Variants in COLEC11 observed in about 807,000 individuals in gnomAD.
COLEC11 encodes the protein collectin subfamily member 11.
COLEC11 carries 20 observed loss-of-function variants against 27.3 expected under a neutral mutation model. That is an observed-to-expected ratio of 0.73 (90% CI 0.51 to 1.06). COLEC11 has a LOEUF of 1.06. Ranked by LOEUF, COLEC11 falls within the 50% of genes least tolerant of loss-of-function variation. The pLI is 0.00. For synonymous variants in COLEC11, 163 were observed against 154.7 expected, an observed-to-expected ratio of 1.05 and a Z score of -0.40; for missense variants, 310 against 383.0, an observed-to-expected ratio of 0.81 and a Z score of 1.59.
intron 1 of COLEC11, chr2:3,603,631 G>C: frequency 1.3e-6 from 2 of 1,551,006 alleles, no homozygotes; most frequent in Non-Finnish European, 1.7e-6. Context: ...TTTCCAAGTT[G>C]TAACGCCCTT....
intron 1 of COLEC11, chr2:3,603,605 C>G: frequency 1.3e-6 from 2 of 1,550,472 alleles, no homozygotes; most frequent in South Asian, 1.2e-5. Context: ...GTGTGAGCCA[C>G]TGCGCCTGGT....
At chr2:3,624,455 C>T (rs1054206659) in intron 3 of COLEC11, among the ~76,000 whole-genome samples, 9 of 152,196 alleles carry the variant, frequency 5.9e-5, no homozygotes, top group Admixed American at 2.0e-4. Context: ...TGTCAGTCAC[C>T]TCAGTATTGG....
At chr2:3,633,000 G>A (rs1665125907) in intron 3 of COLEC11, among the ~76,000 whole-genome samples, 1 of 152,232 alleles carries the variant, frequency 6.6e-6, no homozygotes, top group Admixed American at 6.5e-5. Context: ...GGAAAAGATG[G>A]GGAGGGCGCG....
chr2:3,627,829 A>G (rs2147928363), intron 3 of COLEC11, among the ~76,000 whole-genome samples: 1 of 152,302 alleles, frequency 6.6e-6, no homozygotes, highest in South Asian at 2.1e-4. Context: ...GATGCTGGGC[A>G]TAACACTGGG....
Position 3,601,313 on chromosome 2 carries a change from T to A in COLEC11, c.-26-3002T>A, listed in dbSNP as rs529910125. Among the ~76,000 whole-genome samples the A allele has an allele frequency of 2.2e-4, 33 of 152,266 alleles. 1 individual carries two copies. The highest frequency in any genetic ancestry group is 8.5e-4 in the Admixed American group (13 of 15,302). On this transcript the variant is annotated intron_variant, in intron 1 of 6. Transcript: ENST00000349077. ...TGGATTTTTCTTTATTATTATTATT[T>A]TTTTTGAGACAGGGTCTCACTCTGA...
At chr2:3,607,025 C>T (rs914339097) in intron 2 of COLEC11, among the ~76,000 whole-genome samples, 1 of 152,240 alleles carries the variant, frequency 6.6e-6, no homozygotes, top group Admixed American at 6.5e-5. Flanking sequence ...CGCCGTTCGG[C>T]CCCGGACACG....
intron 2 of COLEC11, among the ~76,000 whole-genome samples, chr2:3,609,605 C>G (rs1483617940): frequency 6.6e-6 from 1 of 151,714 alleles, no homozygotes; most frequent in Admixed American, 6.6e-5. Context: ...TCTTGGCTCA[C>G]TGCAACCTCT....
chr2:3,626,986 C>T (rs1199907289), intron 3 of COLEC11, among the ~76,000 whole-genome samples: 3 of 152,180 alleles, frequency 2.0e-5, no homozygotes, highest in Non-Finnish European at 4.4e-5. Context: ...TGCCAACTCC[C>T]CTGGCCCACT....
chr2:3,603,136 G>A (rs920286084), intron 1 of COLEC11, among the ~76,000 whole-genome samples: 18 of 152,132 alleles, frequency 1.2e-4, no homozygotes, highest in Non-Finnish European at 2.5e-4. Flanking sequence ...ATGCTCTGCG[G>A]AGCCCCAGTC....
intron 6 of COLEC11, 40 bp downstream of exon 6, chr2:3,643,579 C>G (rs759779851): frequency 1.4e-5 from 23 of 1,601,862 alleles, no homozygotes; most frequent in Non-Finnish European, 2.0e-5. Flanking sequence ...CCTCCCACCT[C>G]CCAGCCCTGT....
In COLEC11 at chr2:3,613,369, C is replaced by T; in HGVS notation, c.189C>T (p.Pro63=). Residue 63 remains proline (P), a synonymous_variant, in exon 3 of 7, where the codon CCC becomes CCT. Coordinates refer to ENST00000349077, the MANE Select transcript of COLEC11 (RefSeq NM_024027.5). ...GAPGRPGRVG[P]TGEKGDMGDK... ...CCGGACGGCCTGGAAGAGTCGGCCC[C>T]ACGGGAGAAAAAGGTACCTGCAGCC... 1 of 1,601,954 alleles carries T rather than the reference C, an allele frequency of 6.2e-7. No homozygotes were observed.
intron 1 of COLEC11, chr2:3,603,394 G>A (rs565574226): frequency 1.2e-4 from 59 of 480,346 alleles, no homozygotes; most frequent in African/African-American, 9.6e-4. Context: ...TCAGGTCACT[G>A]CAACCTCCGC....
chr2:3,600,103 C>A lies in COLEC11; in HGVS notation c.-26-4212C>A, dbSNP rs189337700. 2.4e-3 allele frequency among the ~76,000 whole-genome samples: 364 copies of A among 151,940 alleles called. 2 individuals carry two copies. The highest frequency in any genetic ancestry group is 8.5e-3 in the African/African-American group (350 of 41,398). On this transcript the variant is annotated intron_variant, in intron 1 of 6. Coordinates refer to ENST00000349077, the MANE Select transcript of COLEC11 (RefSeq NM_024027.5). ...ACACAAAATTAGCCAGGCGTGGTGG[C>A]GGGCAGCTGTAGTCCCAGCTACTTG...
intron 3 of COLEC11, 102 bp from the exon 4 acceptor site, chr2:3,637,431 T>G: frequency 1.2e-6 from 1 of 822,926 alleles, no homozygotes; most frequent in Admixed American, 1.8e-5. Flanking sequence ...GTGCCTGTGA[T>G]GTAGGAAGGA....
In COLEC11 at chr2:3,643,741, C is replaced by T. The variant is rs1666061483; in HGVS notation, c.439C>T (p.Arg147Cys). 8 of 1,613,606 alleles carry T rather than the reference C, an allele frequency of 5.0e-6. No homozygotes were observed. Among genetic ancestry groups the T allele is most frequent in the Non-Finnish European group, 6.8e-6 (8 of 1,179,942 alleles). Residue 147 changes from arginine to cysteine, a missense_variant, in exon 7 of 7, where the codon CGC becomes TGC. Arg to Cys is a radical substitution (Grantham distance 180). Transcript: ENST00000349077. ...TTACCCCACAGCTGTCGCCGGTGTG[C>T]GCGAGACGGAGAGCAAGATCTACCT... ...KFIKNAVAGV[R>C]ETESKIYLLV...
intron 1 of COLEC11, among the ~76,000 whole-genome samples, chr2:3,597,738 C>T (rs1323755471): frequency 6.6e-6 from 1 of 151,488 alleles, no homozygotes; most frequent in Non-Finnish European, 1.5e-5. Context: ...GTTCGACTTG[C>T]GTACTGAGTG....
chr2:3,616,232 A>G (rs1663717106), intron 3 of COLEC11, among the ~76,000 whole-genome samples: 1 of 150,308 alleles, frequency 6.7e-6, no homozygotes, highest in African/African-American at 2.5e-5. Context: ...CTCACTTCCC[A>G]GACAGGATGG....
At chr2:3,606,346 C>T (rs1471464207) in intron 2 of COLEC11, 11 of 977,786 alleles carry the variant, frequency 1.1e-5, no homozygotes, top group Non-Finnish European at 1.6e-5. Context: ...CAGCTGTCCA[C>T]GTCCTGGGTC....
Position 3,613,295 on chromosome 2 carries a change from G to A in COLEC11, c.131-16G>A. On this transcript the variant is annotated splice_polypyrimidine_tract_variant and intron_variant, in intron 2 of 6. Transcript: ENST00000349077. ...TGGCCAGACGAGCTGCTAAATGGAT[G>A]TGACTTCTTCCACAGGGGATGCGGG... 1.2e-6 allele frequency: 2 copies of A among 1,606,506 alleles called. No individual in the cohort carries two copies. The highest frequency in any genetic ancestry group is 2.7e-5 in the African/African-American group (2 of 74,972).
Sources: gnomAD v4.1 joint callset for allele counts (sites outside exome capture counted in the v4.1 genomes callset) on GRCh38, gnomAD v4.1.1 for gene constraint, MANE v1.5 for transcripts, NCBI Gene and HGNC (gene_info 2026-07-23, HGNC 2026-07-21) for gene names.